Variants in LRCH3 observed in about 807,000 individuals in gnomAD.
LRCH3 encodes leucine rich repeats and calponin homology domain containing 3.
LRCH3 carries 68 observed loss-of-function variants against 104.5 expected under a neutral mutation model. That is an observed-to-expected ratio of 0.65 (90% CI 0.54 to 0.80). The LOEUF is 0.80. Among genes scored for constraint, LRCH3 ranks in the 30% least tolerant of loss-of-function variants. The pLI is 0.00. For missense variants in LRCH3, 951 were observed against 953.9 expected (o/e 1.00, Z 0.04); for synonymous variants, 344 against 361.3 (o/e 0.95, Z 0.54).
intron 8 of LRCH3, 35 bp from the exon 9 acceptor site, chr3:197,835,639 G>A: frequency 1.3e-6 from 2 of 1,548,926 alleles, no homozygotes; most frequent in East Asian, 2.3e-5. Flanking sequence ...TTTCTGGTGT[G>A]TGTGTGTGTG....
chr3:197,792,682 G>T (rs527747364), intron 1 of LRCH3, among the ~76,000 whole-genome samples: 1 of 130,306 alleles, frequency 7.7e-6, no homozygotes, highest in African/African-American at 2.8e-5. Context: ...ACGGTATCTC[G>T]CTCTTGTCTC....
chr3:197,869,584 G>A (rs60685137), intron 17 of LRCH3, among the ~76,000 whole-genome samples: 976 of 123,556 alleles, frequency 7.9e-3, no homozygotes, highest in Middle Eastern at 0.012. Context: ...AGAAAGCGAT[G>A]CACTGTACCT....
chr3:197,809,856 A>G (rs1732930514), intron 1 of LRCH3, among the ~76,000 whole-genome samples: 1 of 152,148 alleles, frequency 6.6e-6, no homozygotes, highest in African/African-American at 2.4e-5. Context: ...AGGATGGTCT[A>G]GCATCTCTGT....
intron 3 of LRCH3, among the ~76,000 whole-genome samples, chr3:197,818,139 T>C (rs1474992884): frequency 6.6e-6 from 1 of 152,128 alleles, no homozygotes; most frequent in Non-Finnish European, 1.5e-5. Context: ...CTGTATTTTC[T>C]AAGACACTTA....
chr3:197,815,209 T>C (rs887436952), intron 2 of LRCH3, among the ~76,000 whole-genome samples, 157 bp downstream of exon 2: 3 of 152,210 alleles, frequency 2.0e-5, no homozygotes, highest in African/African-American at 7.2e-5. Context: ...CCTATGTCCC[T>C]CCAGTTTCTC....
At chr3:197,875,624 A>T in intron 19 of LRCH3, 74 bp from the exon 20 acceptor site, 1 of 1,167,736 alleles carries the variant, frequency 8.6e-7, no homozygotes, top group South Asian at 1.3e-5. Context: ...ACTGCACTCC[A>T]GCCTGGGTGG....
chr3:197,868,976 TA>T (rs1252821263), intron 17 of LRCH3, among the ~76,000 whole-genome samples: 1 of 152,234 alleles, frequency 6.6e-6, no homozygotes, highest in Non-Finnish European at 1.5e-5. Flanking sequence ...TAATTTTCAA[TA>T]AAAACATTTT....
intron 1 of LRCH3, among the ~76,000 whole-genome samples, chr3:197,797,616 T>C (rs896036010): frequency 2.0e-5 from 3 of 151,672 alleles, no homozygotes; most frequent in African/African-American, 7.3e-5. Flanking sequence ...ATCCCAGCAC[T>C]TTGGGAGGCC....
intron 20 of LRCH3, chr3:197,881,270 A>G (rs1713743333): frequency 6.0e-6 from 6 of 994,158 alleles, no homozygotes; most frequent in Non-Finnish European, 7.2e-6. Context: ...ACAGGTCCAT[A>G]TAAGCATTTG....
intron 4 of LRCH3, among the ~76,000 whole-genome samples, chr3:197,820,641 T>G (rs1275053057): frequency 6.6e-6 from 1 of 152,134 alleles, no homozygotes; most frequent in Non-Finnish European, 1.5e-5. Flanking sequence ...GGAGTCTGTC[T>G]CTACAGAAAA....
At chr3:197,879,491 A>AG (rs1260392461) in intron 20 of LRCH3, among the ~76,000 whole-genome samples, 1 of 150,846 alleles carries the variant, frequency 6.6e-6, no homozygotes, top group Non-Finnish European at 1.5e-5. Flanking sequence ...CTAAAAATAC[A>AG]AAAAATTAGC....
intron 10 of LRCH3, among the ~76,000 whole-genome samples, chr3:197,840,464 C>A (rs1287205689): frequency 6.9e-5 from 7 of 101,436 alleles, no homozygotes; most frequent in Non-Finnish European, 1.2e-4. Flanking sequence ...CTCAAAAAAA[C>A]CAAAAAAAGA....
In LRCH3 at chr3:197,863,348, C is replaced by T. The variant is rs531876059; in HGVS notation, c.1717-2075C>T. Among the ~76,000 whole-genome samples, 19 of 152,216 alleles carry T rather than the reference C, an allele frequency of 1.2e-4. No homozygotes were observed. The South Asian group carries it at 1.7e-3, about 13-fold the overall frequency. ...CGCCATCTCGGCTCACTGCAACCTC[C>T]GCCTCCATGTTCAAGCGATTCTCCT... On this transcript the variant is annotated intron_variant, in intron 15 of 20. Coordinates refer to ENST00000425562, the MANE Select transcript of LRCH3 (RefSeq NM_001365715.1).
chr3:197,840,498 G>A (rs751335114), intron 10 of LRCH3, among the ~76,000 whole-genome samples: 3 of 152,186 alleles, frequency 2.0e-5, no homozygotes, highest in Admixed American at 6.6e-5. Context: ...TAGCTTGATC[G>A]TTTAGAGCAC....
At chr3:197,825,140 A>G (rs769572614) in intron 4 of LRCH3, among the ~76,000 whole-genome samples, 20 of 152,066 alleles carry the variant, frequency 1.3e-4, no homozygotes, top group Non-Finnish European at 2.4e-4. Context: ...TTTAAAATTG[A>G]TGGTTGAAAA....
rs1738953219 is a variant in LRCH3, at chr3:197,847,700, A to G, written c.1381-172A>G. The G allele has an allele frequency of 1.5e-3, 18 of 12,368 alleles. No homozygotes were observed. The South Asian group carries it at 0.015, about 10-fold the overall frequency. The allele number at this position is 12,368 out of a possible 1,614,324, so 0.8% of individuals were successfully genotyped here. A position where few individuals can be genotyped will look rare whatever the true frequency, so the allele number is the denominator to read the frequency against. ...TTGGTGCACCAACCTAATACATATA[A>G]GAACCGTGCAAAGACGGGAAAAGAT... On this transcript the variant is annotated intron_variant, in intron 11 of 20. Transcript: ENST00000425562.
intron 17 of LRCH3, among the ~76,000 whole-genome samples, chr3:197,867,534 A>G (rs912746121): frequency 1.3e-5 from 2 of 151,948 alleles, no homozygotes; most frequent in Non-Finnish European, 2.9e-5. Context: ...CCTGTGCAAC[A>G]TGGCAAAACC....
In LRCH3 at chr3:197,829,569, T is replaced by C. The variant is rs146894412; in HGVS notation, c.783T>C (p.Cys261=). Residue 261 remains cysteine, a synonymous_variant, in exon 6 of 21, where the codon TGT becomes TGC. Coordinates refer to ENST00000425562, the MANE Select transcript of LRCH3 (RefSeq NM_001365715.1). ...ATCTGTGTGACTTTATTTAGATATGTATAAAAGGCAAAGTCCACATATTTA... is the reference window on the plus strand; with the variant it reads ...ATCTGTGTGACTTTATTTAGATATGCATAAAAGGCAAAGTCCACATATTTA... ...NPLQSPPAQI[C]IKGKVHIFKY... 27 of 1,605,294 alleles carry C rather than the reference T, an allele frequency of 1.7e-5. No homozygotes were observed. Among genetic ancestry groups the C allele is most frequent in the Non-Finnish European group, 2.3e-5 (27 of 1,175,960 alleles).
At chr3:197,833,908 A>C (rs1205004965) in intron 8 of LRCH3, among the ~76,000 whole-genome samples, 1 of 152,242 alleles carries the variant, frequency 6.6e-6, no homozygotes, top group Non-Finnish European at 1.5e-5. Flanking sequence ...CACATTTAAA[A>C]AATGCATTTA....
Sources: allele counts gnomAD v4.1 joint callset (sites outside exome capture counted in the v4.1 genomes callset), GRCh38; gene constraint gnomAD v4.1.1; transcripts MANE v1.5; gene names NCBI Gene and HGNC (gene_info 2026-07-23, HGNC 2026-07-21).